The following CHD6 variants were observed in gnomAD, a reference collection of about 807,000 sequenced individuals.
The protein encoded by CHD6 is chromodomain helicase DNA binding protein 6, also known as ATP-dependent chromatin remodeler CHD6.
A neutral mutation model predicts 276.9 loss-of-function variants in CHD6; 50 were observed. The ratio of observed to expected loss-of-function variants is 0.18; its 90% CI spans 0.14 to 0.23. The LOEUF (loss-of-function observed/expected upper bound fraction) is 0.23. Ranked by LOEUF, CHD6 falls within the 10% of genes least tolerant of loss-of-function variation. CHD6 has a pLI of 1.00. For missense variants in CHD6, 2,564 were observed against 3,365.8 expected, an observed-to-expected ratio of 0.76 and a Z score of 5.89; for synonymous variants, 1,173 against 1,229.3, an observed-to-expected ratio of 0.95 and a Z score of 0.96.
intron 5 of CHD6, among the ~76,000 whole-genome samples, chr20:41,511,129 G>T (rs2044107472): frequency 6.6e-6 from 1 of 152,188 alleles, no homozygotes; most frequent in Non-Finnish European, 1.5e-5. Context: ...CAGAGTGAAA[G>T]AATAAGCGGA....
At chr20:41,450,918 C>T in intron 23 of CHD6, 28 bp downstream of exon 23, 2 of 1,594,030 alleles carry the variant, frequency 1.3e-6, no homozygotes, top group Non-Finnish European at 1.7e-6. Flanking sequence ...CGGGCTGCCA[C>T]CAGGGTATGG....
At chr20:41,577,295 C>A (rs2045484843) in intron 1 of CHD6, among the ~76,000 whole-genome samples, 1 of 152,124 alleles carries the variant, frequency 6.6e-6, no homozygotes, top group East Asian at 1.9e-4. Context: ...CCAAAAATAG[C>A]CTGAAAATAT....
intron 17 of CHD6, among the ~76,000 whole-genome samples, chr20:41,462,142 T>C (rs903909926): frequency 6.6e-6 from 1 of 152,176 alleles, no homozygotes; most frequent in Non-Finnish European, 1.5e-5. Context: ...AGAGTGTATA[T>C]AAACATATGC....
At chr20:41,581,005 T>C (rs1163352953) in intron 1 of CHD6, among the ~76,000 whole-genome samples, 1 of 152,224 alleles carries the variant, frequency 6.6e-6, no homozygotes, top group East Asian at 1.9e-4. Flanking sequence ...ACTTCCTTAA[T>C]TAATACAGAA....
chr20:41,567,206 G>A (rs896035701), intron 1 of CHD6, among the ~76,000 whole-genome samples: 3 of 152,158 alleles, frequency 2.0e-5, no homozygotes, highest in African/African-American at 7.2e-5. Flanking sequence ...ATGTGTGGCA[G>A]GTGTTCTCTG....
intron 1 of CHD6, among the ~76,000 whole-genome samples, chr20:41,559,497 G>A (rs976160346): frequency 6.6e-6 from 1 of 152,130 alleles, no homozygotes; most frequent in Non-Finnish European, 1.5e-5. Context: ...TGAGTGCTTT[G>A]CAGCATTTTA....
At chr20:41,518,761 A>C (rs1011194152) in intron 3 of CHD6, among the ~76,000 whole-genome samples, 1 of 152,188 alleles carries the variant, frequency 6.6e-6, no homozygotes, top group Non-Finnish European at 1.5e-5. Flanking sequence ...GATTCCCTGA[A>C]AGCTTACAAG....
At chr20:41,606,617 G>A (rs553441519) in intron 1 of CHD6, among the ~76,000 whole-genome samples, 1 of 151,910 alleles carries the variant, frequency 6.6e-6, no homozygotes, top group East Asian at 1.9e-4. Context: ...GGAGGTCACA[G>A]TGAGCAGAGA....
chr20:41,585,598 A>G (rs1229140925), intron 1 of CHD6, among the ~76,000 whole-genome samples: 1 of 152,154 alleles, frequency 6.6e-6, no homozygotes, highest in East Asian at 1.9e-4. Context: ...ACGCCTTCCA[A>G]CAAAGAGAAC....
chr20:41,516,317 G>A (rs750311398), intron 3 of CHD6, among the ~76,000 whole-genome samples: 1 of 152,010 alleles, frequency 6.6e-6, no homozygotes, highest in Admixed American at 6.6e-5. Flanking sequence ...CCGTCACCAC[G>A]CATGGCTAAT....
intron 1 of CHD6, among the ~76,000 whole-genome samples, chr20:41,585,511 C>CAAA (rs60920576): frequency 1.1e-4 from 8 of 74,224 alleles, no homozygotes; most frequent in South Asian, 4.7e-4. Context: ...TCCGTCTCAC[C>CAAA]AAAAAAAAAA....
intron 31 of CHD6, among the ~76,000 whole-genome samples, chr20:41,418,748 T>C (rs921079222): frequency 3.3e-5 from 5 of 152,144 alleles, no homozygotes; most frequent in Non-Finnish European, 5.9e-5. Context: ...CTGGCCTACC[T>C]GTCCCACACC....
chr20:41,616,528 G>C (rs1187149713), intron 1 of CHD6, among the ~76,000 whole-genome samples: 1 of 152,202 alleles, frequency 6.6e-6, no homozygotes, highest in African/African-American at 2.4e-5. Flanking sequence ...GGGGAAAGAT[G>C]TGTGCAGGAT....
chr20:41,492,889 C>T (rs994896479), intron 10 of CHD6, among the ~76,000 whole-genome samples: 1 of 152,132 alleles, frequency 6.6e-6, no homozygotes, highest in Non-Finnish European at 1.5e-5. Context: ...CCACTGCACT[C>T]CAGCAACAGA....
Position 41,499,309 on chromosome 20 carries a change from T to C in CHD6, c.901A>G (p.Lys301Glu). The C allele has an allele frequency of 6.2e-7, 1 of 1,607,638 alleles. No homozygotes were observed. The highest frequency in any genetic ancestry group is 8.5e-7 in the Non-Finnish European group (1 of 1,176,648). ...ANIIEKILAS[K>E]TVQEVHPGEP... ...GAGCCACCAACCTCCTGGACAGTCT[T>C]AGATGCCAGGATCTTCTCAATGATG... The change falls in exon 6 of 37, where the codon AAG (lysine) becomes GAG (glutamate). Residue 301 changes from lysine to glutamate, a missense_variant. Lys to Glu is a moderately conservative substitution (Grantham distance 56). Around this residue, in one of 7 missense-constraint regions of CHD6, gnomAD observed 457 missense variants for 889.0 expected, o/e 0.51. Coordinates refer to ENST00000373233, the MANE Select transcript of CHD6 (RefSeq NM_032221.5).
intron 27 of CHD6, among the ~76,000 whole-genome samples, chr20:41,426,441 G>A (rs2047368374): frequency 6.6e-6 from 1 of 152,120 alleles, no homozygotes; most frequent in African/African-American, 2.4e-5. Flanking sequence ...GCTCTCTCTG[G>A]CAATTACATT....
chr20:41,406,306 T>C (rs2046672962), intron 36 of CHD6, among the ~76,000 whole-genome samples: 2 of 152,160 alleles, frequency 1.3e-5, no homozygotes, highest in Non-Finnish European at 2.9e-5. Context: ...TTTTCTTAAT[T>C]AGCAGAGAGT....
chr20:41,443,770 T>A (rs2047973414), intron 25 of CHD6, among the ~76,000 whole-genome samples: 1 of 152,208 alleles, frequency 6.6e-6, no homozygotes, highest in African/African-American at 2.4e-5. Flanking sequence ...AAAGTCATGT[T>A]TTCCATTTCT....
intron 2 of CHD6, among the ~76,000 whole-genome samples, chr20:41,543,359 T>G (rs185182332): frequency 6.6e-6 from 1 of 152,330 alleles, no homozygotes; most frequent in African/African-American, 2.4e-5. Flanking sequence ...CACTTCACAC[T>G]GTCTCGTGTA....
Sources: gnomAD v4.1 joint callset for allele counts (sites outside exome capture counted in the v4.1 genomes callset) on GRCh38, gnomAD v4.1.1 for gene constraint, gnomAD v4.1.1 regional missense constraint, MANE v1.5 for transcripts, NCBI Gene and HGNC (gene_info 2026-07-23, HGNC 2026-07-21) for gene names.